Variants in CSRNP3 observed in about 807,000 individuals in gnomAD.
CSRNP3 encodes cysteine/serine-rich nuclear protein 3.
Under a neutral mutation model 48.0 loss-of-function variants are expected in CSRNP3, and 12 were observed. The observed-to-expected ratio is 0.25, with a 90% CI of 0.16 to 0.41. CSRNP3 has a LOEUF of 0.41. Among genes scored for constraint, CSRNP3 ranks in the 10% least tolerant of loss-of-function variants. CSRNP3 has a pLI of 1.00. For synonymous variants in CSRNP3, 263 were observed against 269.7 expected (o/e 0.98, Z 0.24); for missense variants, 580 against 724.4 (o/e 0.80, Z 2.29).
chr2:165,559,565 T>C (rs1685203432), intron 3 of CSRNP3, among the ~76,000 whole-genome samples: 1 of 152,038 alleles, frequency 6.6e-6, no homozygotes. Context: ...CCCAGAGTCA[T>C]TCACAAGTAA....
intron 4 of CSRNP3, among the ~76,000 whole-genome samples, chr2:165,637,187 C>G (rs1005345727): frequency 6.6e-6 from 1 of 152,166 alleles, no homozygotes; most frequent in Non-Finnish European, 1.5e-5. Flanking sequence ...ATTAAAGGAA[C>G]AAGTCAATGT....
At chr2:165,663,884 A>T (rs1176625944) in intron 5 of CSRNP3, among the ~76,000 whole-genome samples, 1 of 152,146 alleles carries the variant, frequency 6.6e-6, no homozygotes, top group African/African-American at 2.4e-5. Flanking sequence ...ATTTACTAGC[A>T]TTCTACTAGA....
chr2:165,654,082 C>T (rs189081793), intron 4 of CSRNP3, among the ~76,000 whole-genome samples: 3 of 149,190 alleles, frequency 2.0e-5, no homozygotes, highest in Admixed American at 6.7e-5. Flanking sequence ...AAATTTATGG[C>T]CTTGAATAAT....
chr2:165,659,637 ACT>A (rs1373231443), intron 5 of CSRNP3, among the ~76,000 whole-genome samples: 1 of 152,006 alleles, frequency 6.6e-6, no homozygotes, highest in Non-Finnish European at 1.5e-5. Context: ...AACTAAAGAC[ACT>A]CTTCCGTTGG....
At chr2:165,663,324 A>G (rs1025356586) in intron 5 of CSRNP3, among the ~76,000 whole-genome samples, 1 of 152,214 alleles carries the variant, frequency 6.6e-6, no homozygotes, top group Non-Finnish European at 1.5e-5. Flanking sequence ...TTATCCTTAC[A>G]GAATTTCTGT....
chr2:165,509,056 A>C (rs1684465861), intron 2 of CSRNP3, among the ~76,000 whole-genome samples: 1 of 152,200 alleles, frequency 6.6e-6, no homozygotes, highest in Non-Finnish European at 1.5e-5. Context: ...GCTTTGGATA[A>C]GATTATACTT....
At chr2:165,521,394 T>C (rs1304041937) in intron 3 of CSRNP3, among the ~76,000 whole-genome samples, 4 of 152,184 alleles carry the variant, frequency 2.6e-5, no homozygotes, top group Admixed American at 6.5e-5. Context: ...GAAAATAGCA[T>C]ATGCTTTCTT....
chr2:165,482,020 C>T (rs1004779752), intron 1 of CSRNP3, among the ~76,000 whole-genome samples: 3 of 151,894 alleles, frequency 2.0e-5, no homozygotes, highest in Admixed American at 6.6e-5. Context: ...TACACCAAGC[C>T]CCTGTGACAT....
intron 4 of CSRNP3, among the ~76,000 whole-genome samples, chr2:165,609,924 G>A (rs983299581): frequency 1.3e-5 from 2 of 152,204 alleles, no homozygotes; most frequent in East Asian, 3.8e-4. Flanking sequence ...CGCTATGGAA[G>A]TAAGAGTTCC....
chr2:165,586,071 C>A (rs1685624835), intron 3 of CSRNP3, among the ~76,000 whole-genome samples: 1 of 152,156 alleles, frequency 6.6e-6, no homozygotes. Flanking sequence ...AATAACATCT[C>A]ATTAAAGTGA....
At chr2:165,525,619 G>A (rs761032948) in intron 3 of CSRNP3, among the ~76,000 whole-genome samples, 1 of 151,574 alleles carries the variant, frequency 6.6e-6, no homozygotes, top group Admixed American at 6.6e-5. Flanking sequence ...CCAAAAAGCT[G>A]GGACTACAGG....
chr2:165,552,709 AT>A (rs1052214965), intron 3 of CSRNP3, among the ~76,000 whole-genome samples: 4 of 149,260 alleles, frequency 2.7e-5, no homozygotes, highest in African/African-American at 7.4e-5. Context: ...TTATTTTTTT[AT>A]TTTTTTTTGA....
At chr2:165,647,005 G>A (rs1686822377) in intron 4 of CSRNP3, among the ~76,000 whole-genome samples, 1 of 151,872 alleles carries the variant, frequency 6.6e-6, no homozygotes, top group African/African-American at 2.4e-5. Flanking sequence ...AGAGATTAAG[G>A]AAACAAGCTG....
chr2:165,472,321 A>G (rs1403152172), intron 1 of CSRNP3, among the ~76,000 whole-genome samples: 1 of 152,002 alleles, frequency 6.6e-6, no homozygotes, highest in Non-Finnish European at 1.5e-5. Context: ...TAATATGTAT[A>G]AAAAATTACA....
chr2:165,687,018 G>C lies in CSRNP3; in HGVS notation c.*7265G>C, dbSNP rs770085960. On this transcript the variant is annotated 3_prime_UTR_variant, in exon 7 of 7. Coordinates refer to ENST00000651982, the MANE Select transcript of CSRNP3 (RefSeq NM_001172173.2). ...TCTATTCTTAACATCTCTAGGGAAG[G>C]CAGTTTCCTTGGCAACACAATTCAG... 6.6e-6 allele frequency: 1 copy of C among 152,070 alleles called. No individual in the cohort carries two copies. Among genetic ancestry groups the C allele is most frequent in the Non-Finnish European group, 1.5e-5 (1 of 68,012 alleles). The allele number at this position is 152,070 out of a possible 1,614,324, so 9.4% of individuals were successfully genotyped here.
At chr2:165,674,713 T>TATATATATATAA (rs1491404246) in intron 5 of CSRNP3, among the ~76,000 whole-genome samples, 2 of 133,296 alleles carry the variant, frequency 1.5e-5, no homozygotes, top group African/African-American at 5.6e-5. Flanking sequence ...TATATATATA[T>TATATATATATAA]AATTTGTTTA....
chr2:165,584,681 C>A (rs769554570), intron 3 of CSRNP3, among the ~76,000 whole-genome samples: 18 of 152,152 alleles, frequency 1.2e-4, no homozygotes, highest in Non-Finnish European at 2.1e-4. Flanking sequence ...CAAAAGCCTG[C>A]AAAAAATTCA....
chr2:165,525,308 A>G (rs1163098362), intron 3 of CSRNP3, among the ~76,000 whole-genome samples: 1 of 152,116 alleles, frequency 6.6e-6, no homozygotes, highest in East Asian at 1.9e-4. Context: ...AATATTCTGC[A>G]TAAAAATCCT....
chr2:165,606,807 A>G (rs895277308), intron 4 of CSRNP3, among the ~76,000 whole-genome samples: 2 of 152,162 alleles, frequency 1.3e-5, no homozygotes, highest in African/African-American at 2.4e-5. Context: ...GATAGTATTT[A>G]TGTAATTAAA....
Sources: allele counts gnomAD v4.1 joint callset (sites outside exome capture counted in the v4.1 genomes callset), GRCh38; gene constraint gnomAD v4.1.1; transcripts MANE v1.5; gene names NCBI Gene and HGNC (gene_info 2026-07-23, HGNC 2026-07-21).